The following NKAIN2 variants were observed in gnomAD, a reference collection of about 807,000 sequenced individuals.
NKAIN2 encodes sodium/potassium transporting ATPase interacting 2, also known as sodium/potassium-transporting ATPase subunit beta-1-interacting protein 2.
Under a neutral mutation model 32.6 loss-of-function variants are expected in NKAIN2, and 14 were observed. The observed-to-expected ratio is 0.43, with a 90% CI of 0.28 to 0.67. The LOEUF (loss-of-function observed/expected upper bound fraction) is 0.67, where lower values mean the gene tolerates loss of function less well. NKAIN2 is among the 30% of genes least tolerant of loss of function. The probability of loss-of-function intolerance (pLI) is 0.17; values close to 1 mark genes in which losing one functional copy is unlikely to be tolerated. For missense variants in NKAIN2, 198 were observed against 258.3 expected, an observed-to-expected ratio of 0.77 and a Z score of 1.60; for synonymous variants, 80 against 87.2, an observed-to-expected ratio of 0.92 and a Z score of 0.46.
chr6:124,175,809 G>A (rs982094505), intron 1 of NKAIN2, among the ~76,000 whole-genome samples: 4 of 151,926 alleles, frequency 2.6e-5, no homozygotes, highest in African/African-American at 9.7e-5. Flanking sequence ...AAATAAACTT[G>A]TTGCTCCACC....
At chr6:124,162,126 A>T (rs1459587435) in intron 1 of NKAIN2, among the ~76,000 whole-genome samples, 1 of 152,048 alleles carries the variant, frequency 6.6e-6, no homozygotes, top group Non-Finnish European at 1.5e-5. Context: ...CACTCATTTG[A>T]TTTCAGGCAG....
intron 1 of NKAIN2, among the ~76,000 whole-genome samples, chr6:124,254,640 G>A (rs1020178447): frequency 6.6e-6 from 1 of 152,044 alleles, no homozygotes. Context: ...CTACTTGAAG[G>A]ACTTGGAAGT....
chr6:124,012,517 G>T (rs1736534683), intron 1 of NKAIN2, among the ~76,000 whole-genome samples: 1 of 151,880 alleles, frequency 6.6e-6, no homozygotes, highest in Admixed American at 6.6e-5. Context: ...TGTATTTTTA[G>T]TAGAGACGGG....
At chr6:124,344,592 C>A (rs1290916987) in intron 2 of NKAIN2, among the ~76,000 whole-genome samples, 1 of 151,896 alleles carries the variant, frequency 6.6e-6, no homozygotes, top group Non-Finnish European at 1.5e-5. Flanking sequence ...CTCTTTGAAG[C>A]AATTGTGAAT....
rs1395765725 is a variant in NKAIN2, at chr6:123,804,360, AAG to A, written c.54+110_54+111del. 73 of 970,170 alleles carry A rather than the reference AAG, an allele frequency of 7.5e-5. No homozygotes were observed. In the East Asian group the frequency reaches 1.7e-3, roughly 23 times the overall value. The allele number at this position is 970,170 out of a possible 1,614,324, so 60.1% of individuals were successfully genotyped here. A position where few individuals can be genotyped will look rare whatever the true frequency, so the allele number is the denominator to read the frequency against. On this transcript the variant is annotated intron_variant, in intron 1 of 6. Coordinates refer to ENST00000368417, the MANE Select transcript of NKAIN2 (RefSeq NM_001040214.3). Reference sequence around the variant, plus strand: ...TGACTAGAATGGACGAAAAAGATAAAAGAGAAGGTGACAGATATATTGCCTAT... The same window carrying A: ...TGACTAGAATGGACGAAAAAGATAAAAGAAGGTGACAGATATATTGCCTAT...
chr6:124,137,633 C>T (rs1459501875), intron 1 of NKAIN2, among the ~76,000 whole-genome samples: 1 of 151,916 alleles, frequency 6.6e-6, no homozygotes. Flanking sequence ...CTATAGCTAC[C>T]AAAACAGCAT....
At chr6:123,843,144 G>A (rs1374765861) in intron 1 of NKAIN2, among the ~76,000 whole-genome samples, 1 of 152,170 alleles carries the variant, frequency 6.6e-6, no homozygotes, top group Non-Finnish European at 1.5e-5. Flanking sequence ...ACTGCACACA[G>A]CTTAAGCGTT....
chr6:123,859,904 T>C (rs1179308476), intron 1 of NKAIN2, among the ~76,000 whole-genome samples: 1 of 152,154 alleles, frequency 6.6e-6, no homozygotes, highest in Non-Finnish European at 1.5e-5. Context: ...TTGGCCAGGC[T>C]GGCCTCAAAC....
At chr6:124,657,567 C>G (rs1032066489) in intron 3 of NKAIN2, among the ~76,000 whole-genome samples, 1 of 152,118 alleles carries the variant, frequency 6.6e-6, no homozygotes, top group Non-Finnish European at 1.5e-5. Context: ...AAAATATTTA[C>G]TTCTTAATTC....
At chr6:124,416,654 T>C (rs985535172) in intron 3 of NKAIN2, among the ~76,000 whole-genome samples, 3 of 151,758 alleles carry the variant, frequency 2.0e-5, no homozygotes, top group Admixed American at 1.3e-4. Context: ...AAACAAATAA[T>C]GAAAATAAAG....
intron 4 of NKAIN2, among the ~76,000 whole-genome samples, chr6:124,678,947 C>A (rs1201477106): frequency 6.6e-6 from 1 of 151,966 alleles, no homozygotes; most frequent in East Asian, 1.9e-4. Flanking sequence ...CAAATCAGAG[C>A]GATTTACTAG....
chr6:124,415,473 G>A (rs2114514097), intron 3 of NKAIN2, among the ~76,000 whole-genome samples: 1 of 152,372 alleles, frequency 6.6e-6, no homozygotes. Context: ...GAACCCACAT[G>A]CGTTCAGCTA....
intron 1 of NKAIN2, among the ~76,000 whole-genome samples, chr6:124,171,829 G>A (rs1232739600): frequency 3.3e-5 from 5 of 151,220 alleles, no homozygotes; most frequent in Non-Finnish European, 7.4e-5. Flanking sequence ...TAGGATTACA[G>A]GCGTGAGCCA....
At chr6:124,300,776 CT>C (rs2114974603) in intron 2 of NKAIN2, among the ~76,000 whole-genome samples, 1 of 152,288 alleles carries the variant, frequency 6.6e-6, no homozygotes, top group Non-Finnish European at 1.5e-5. Flanking sequence ...CATTTTGCCC[CT>C]GCCCTAGAGA....
At chr6:124,601,587 A>T (rs562460812) in intron 3 of NKAIN2, among the ~76,000 whole-genome samples, 1 of 152,130 alleles carries the variant, frequency 6.6e-6, no homozygotes, top group Non-Finnish European at 1.5e-5. Context: ...ATATGGTCAG[A>T]TTTTTACTGT....
chr6:124,312,392 G>A (rs1796757833), intron 2 of NKAIN2, among the ~76,000 whole-genome samples: 1 of 152,184 alleles, frequency 6.6e-6, no homozygotes, highest in Non-Finnish European at 1.5e-5. Context: ...GACACCAGTT[G>A]CATGTCCAGG....
chr6:124,715,544 G>A (rs974351525), intron 4 of NKAIN2, among the ~76,000 whole-genome samples: 1 of 152,152 alleles, frequency 6.6e-6, no homozygotes, highest in African/African-American at 2.4e-5. Context: ...CTGAAGCCAG[G>A]CTGGTTTGAC....
At chr6:124,188,264 C>T (rs1319040267) in intron 1 of NKAIN2, among the ~76,000 whole-genome samples, 1 of 152,086 alleles carries the variant, frequency 6.6e-6, no homozygotes, top group East Asian at 1.9e-4. Flanking sequence ...AGAATTGGCT[C>T]ATCTGATTAT....
At chr6:123,889,710 G>A (rs572760606) in intron 1 of NKAIN2, among the ~76,000 whole-genome samples, 2 of 152,206 alleles carry the variant, frequency 1.3e-5, no homozygotes, top group East Asian at 3.9e-4. Flanking sequence ...CACTGATTGA[G>A]TCACTGAGTT....
Sources: allele counts gnomAD v4.1 joint callset (sites outside exome capture counted in the v4.1 genomes callset), GRCh38; gene constraint gnomAD v4.1.1; transcripts MANE v1.5; gene names NCBI Gene and HGNC (gene_info 2026-07-23, HGNC 2026-07-21).